Variants in ITGA2 observed in about 807,000 individuals in gnomAD.
The protein encoded by ITGA2 is integrin alpha-2.
A neutral mutation model predicts 146.3 loss-of-function variants in ITGA2; 101 were observed. That is an observed-to-expected ratio of 0.69 (90% CI 0.59 to 0.81). ITGA2 has a LOEUF of 0.81. ITGA2 is among the 40% of genes least tolerant of loss of function. The pLI is 0.00. For synonymous variants in ITGA2, 477 were observed against 487.1 expected (o/e 0.98, Z 0.27); for missense variants, 1,281 against 1,402.7 (o/e 0.91, Z 1.39).
At chr5:53,086,130 C>T (rs2112039264) in intron 27 of ITGA2, among the ~76,000 whole-genome samples, 1 of 152,206 alleles carries the variant, frequency 6.6e-6, no homozygotes, top group East Asian at 1.9e-4. Flanking sequence ...TGGTCTTGAA[C>T]TCCTGACCTC....
At chr5:53,045,765 A>C (rs1442051908) in intron 4 of ITGA2, among the ~76,000 whole-genome samples, 1 of 152,206 alleles carries the variant, frequency 6.6e-6, no homozygotes, top group Admixed American at 6.5e-5. Context: ...AATTGTTGAA[A>C]GGATTTGACT....
rs1421939 is a variant in ITGA2 at position 53,042,837 on chromosome 5, G to T, written c.295+616G>T. 6.0e-3 allele frequency among the ~76,000 whole-genome samples: 861 copies of T among 143,464 alleles called. 6 individuals carry two copies. The highest frequency in any genetic ancestry group is 0.02 in the African/African-American group (813 of 39,696). The allele number at this position is 143,464 out of a possible 152,430, so 94.1% of individuals were successfully genotyped here. ...CAATTTGATCATCATTACATCATCA[G>T]CAGCAGCAGCCTAAAAAAACAGCCC... On this transcript the variant is annotated intron_variant, in intron 3 of 29. Transcript: ENST00000296585.
chr5:53,023,787 T>A (rs1298195466), intron 1 of ITGA2, among the ~76,000 whole-genome samples: 2 of 152,184 alleles, frequency 1.3e-5, no homozygotes, highest in Non-Finnish European at 2.9e-5. Context: ...AAGAAATACA[T>A]GTTGAATTAG....
intron 2 of ITGA2, among the ~76,000 whole-genome samples, chr5:53,037,434 C>T (rs1351606543): frequency 1.3e-5 from 2 of 152,186 alleles, no homozygotes; most frequent in East Asian, 3.9e-4. Flanking sequence ...GTATACTCAC[C>T]AACATATCCA....
At chr5:53,031,760 C>T (rs1743235275) in intron 2 of ITGA2, among the ~76,000 whole-genome samples, 1 of 152,156 alleles carries the variant, frequency 6.6e-6, no homozygotes, top group African/African-American at 2.4e-5. Context: ...CTGGGCAGCC[C>T]TCTGGCTGTA....
intron 6 of ITGA2, among the ~76,000 whole-genome samples, chr5:53,049,696 AT>A (rs930452060): frequency 3.4e-5 from 5 of 149,206 alleles, no homozygotes; most frequent in East Asian, 2.0e-4. Flanking sequence ...CTGGTTTTGG[AT>A]TTTTTTTTTC....
intron 1 of ITGA2, among the ~76,000 whole-genome samples, chr5:53,006,070 G>A (rs1233384242): frequency 1.3e-5 from 2 of 152,108 alleles, no homozygotes; most frequent in Admixed American, 6.6e-5. Context: ...CGGTGGGGGC[G>A]AGGGGAGAGA....
At position 53,073,124 on chromosome 5, in the gene ITGA2, A is replaced by G. The variant is rs762719813; in HGVS notation, c.2436A>G (p.Gln812=). The change falls in exon 20 of 30, where the codon CAA becomes CAG. Residue 812 remains glutamine, a synonymous_variant. Transcript: ENST00000296585. ...DVRQIPAAQE[Q]PFIVSNQNKR... ...TCCTTTTTACTTTTAACAGAGAACAACCCTTTATTGTCAGCAACCAAAACA... is the reference window on the plus strand; with the variant it reads ...TCCTTTTTACTTTTAACAGAGAACAGCCCTTTATTGTCAGCAACCAAAACA... 6.2e-7 allele frequency: 1 copy of G among 1,611,950 alleles called. No homozygotes were observed. The highest frequency in any genetic ancestry group is 8.5e-7 in the Non-Finnish European group (1 of 1,178,696).
chr5:53,086,437 A>T (rs1746160011), intron 27 of ITGA2, among the ~76,000 whole-genome samples: 1 of 152,176 alleles, frequency 6.6e-6, no homozygotes, highest in Non-Finnish European at 1.5e-5. Context: ...ACTTTTAAAC[A>T]CTATCATTTT....
At chr5:53,062,176 C>T (rs751045397) in intron 12 of ITGA2, among the ~76,000 whole-genome samples, 5 of 151,840 alleles carry the variant, frequency 3.3e-5, no homozygotes, top group African/African-American at 4.8e-5. Context: ...ATGCCATGTA[C>T]ACTTACATCA....
chr5:53,007,968 A>G (rs1164305683), intron 1 of ITGA2, among the ~76,000 whole-genome samples: 1 of 152,208 alleles, frequency 6.6e-6, no homozygotes, highest in Non-Finnish European at 1.5e-5. Context: ...GAATTATTGT[A>G]TATCTGTCCT....
intron 1 of ITGA2, among the ~76,000 whole-genome samples, chr5:53,007,330 A>G (rs1289332837): frequency 6.6e-6 from 1 of 152,168 alleles, no homozygotes; most frequent in Admixed American, 6.5e-5. Flanking sequence ...AAATTTATAG[A>G]GAAGTGGCTT....
At chr5:53,063,780 G>A (rs1561135932) in intron 13 of ITGA2, among the ~76,000 whole-genome samples, 1 of 151,884 alleles carries the variant, frequency 6.6e-6, no homozygotes. Flanking sequence ...TATAAAGAAT[G>A]TGTAATTGAG....
Position 53,072,658 on chromosome 5 carries a change from G to A in ITGA2, c.2392G>A (p.Asp798Asn). 1 of 1,610,580 alleles carries A rather than the reference G, an allele frequency of 6.2e-7. No homozygotes were observed. The highest frequency in any genetic ancestry group is 8.5e-7 in the Non-Finnish European group (1 of 1,178,498). Residue 798 changes from aspartate to asparagine, a missense_variant, in exon 19 of 30, where the codon GAT becomes AAT. Physicochemically the swap from Asp to Asn is conservative, Grantham distance 23 (BLOSUM62 1). Around this residue, in one of 3 missense-constraint regions of ITGA2, gnomAD observed 475 missense variants for 530.5 expected, o/e 0.90. Transcript: ENST00000296585. ...DCGEDGLCIS[D>N]LVLDVRQIPA... ...TGGTGAGGACGGACTTTGCATTTCT[G>A]ATCTAGTCCTAGATGTCCGACAAAT... is the stretch of plus-strand genomic sequence containing the variant.
At chr5:53,021,301 T>G (rs1020265928) in intron 1 of ITGA2, among the ~76,000 whole-genome samples, 1 of 152,192 alleles carries the variant, frequency 6.6e-6, no homozygotes, top group Non-Finnish European at 1.5e-5. Flanking sequence ...TGCTAGAAAT[T>G]ATTAAAGCTA....
At position 53,042,156 on chromosome 5, in the gene ITGA2, T is replaced by A. The variant is rs146680678; in HGVS notation, c.230T>A (p.Met77Lys). Residue 77 changes from methionine (M) to lysine (K), a missense_variant, in exon 3 of 30, where the codon ATG (methionine) becomes AAG (lysine). By Grantham distance (95) the Met-to-Lys change is moderately conservative (BLOSUM62 -1). Coordinates refer to ENST00000296585, the MANE Select transcript of ITGA2 (RefSeq NM_002203.4). ...SPWSGFPENR[M>K]GDVYKCPVDL... Reference sequence around the variant, plus strand: ...TGGAGTGGCTTTCCTGAGAACCGAATGGGAGATGTGTATAAATGTCCTGTT... The same window carrying A: ...TGGAGTGGCTTTCCTGAGAACCGAAAGGGAGATGTGTATAAATGTCCTGTT... 2.5e-6 allele frequency: 4 copies of A among 1,613,382 alleles called. No individual in the cohort carries two copies. The highest frequency in any genetic ancestry group is 3.4e-6 in the Non-Finnish European group (4 of 1,179,458).
intron 13 of ITGA2, among the ~76,000 whole-genome samples, chr5:53,064,131 A>G (rs879520769): frequency 3.3e-5 from 5 of 151,960 alleles, no homozygotes; most frequent in Non-Finnish European, 5.9e-5. Context: ...GATATTAACA[A>G]TCTCATTTTC....
At chr5:53,050,288 C>A (rs927183924) in intron 6 of ITGA2, among the ~76,000 whole-genome samples, 1 of 152,080 alleles carries the variant, frequency 6.6e-6, no homozygotes, top group East Asian at 1.9e-4. Context: ...TAAATTTGAC[C>A]TTCCTGTAAG....
intron 1 of ITGA2, among the ~76,000 whole-genome samples, chr5:53,025,285 G>C (rs1385163747): frequency 6.6e-6 from 1 of 152,036 alleles, no homozygotes; most frequent in Non-Finnish European, 1.5e-5. Context: ...ATTTTCTTTT[G>C]CATTTTTTTA....
Sources: allele counts gnomAD v4.1 joint callset (sites outside exome capture counted in the v4.1 genomes callset), GRCh38; gene constraint gnomAD v4.1.1; regional missense constraint gnomAD v4.1.1; transcripts MANE v1.5; gene names NCBI Gene and HGNC (gene_info 2026-07-23, HGNC 2026-07-21).